Variants in INPP5A observed in about 807,000 individuals in gnomAD.
INPP5A encodes the protein inositol polyphosphate-5-phosphatase A, also known as 43 kDa inositol polyphosphate 5-phophatase.
INPP5A carries 14 observed loss-of-function variants against 65.2 expected under a neutral mutation model. The ratio of observed to expected loss-of-function variants is 0.21; its 90% CI spans 0.14 to 0.34. The LOEUF is 0.34. Ranked by LOEUF, INPP5A falls within the 10% of genes least tolerant of loss-of-function variation. The probability of loss-of-function intolerance (pLI) is 1.00; values close to 1 mark genes in which losing one functional copy is unlikely to be tolerated. For missense variants in INPP5A, 431 were observed against 545.6 expected (o/e 0.79, Z 2.09); for synonymous variants, 207 against 208.3 (o/e 0.99, Z 0.05).
chr10:132,749,734 G>A, intron 10 of INPP5A, 37 bp from the exon 11 acceptor site: 2 of 1,604,544 alleles, frequency 1.2e-6, no homozygotes, highest in South Asian at 1.1e-5. Context: ...CAAGGCTGGG[G>A]GAGCTCAGGT....
chr10:132,775,127 G>GAT (rs373401008), intron 12 of INPP5A, among the ~76,000 whole-genome samples: 1 of 48,006 alleles, frequency 2.1e-5, no homozygotes, highest in Admixed American at 2.4e-4. Flanking sequence ...GCAGGGAGGA[G>GAT]GGGCAGGGAG....
chr10:132,637,820 A>G lies in INPP5A; in HGVS notation c.118-8048A>G, dbSNP rs73401234. Among the ~76,000 whole-genome samples, 452 of 152,190 alleles carry G rather than the reference A, an allele frequency of 3.0e-3. 2 individuals carry two copies. Among genetic ancestry groups the G allele is most frequent in the African/African-American group, 0.01 (428 of 41,520 alleles). ...TTGAGTAGATTTGATTTTATCTGCA[A>G]TGTGGGCTCCCGTCCTGTTCTGCCT... On this transcript the variant is annotated intron_variant, in intron 2 of 15. Transcript: ENST00000368594. This position sits in a 1 kb window ranked among gnomAD's most constrained non-coding sequence, Gnocchi z 4.1.
chr10:132,723,210 C>T (rs555092396), intron 8 of INPP5A, among the ~76,000 whole-genome samples: 1 of 152,346 alleles, frequency 6.6e-6, no homozygotes, highest in African/African-American at 2.4e-5. Context: ...GCGGCTTTCT[C>T]GGGAAGAAGG....
rs549148398 is a variant in INPP5A, at chr10:132,612,659, G to A, written c.117+4703G>A. On this transcript the variant is annotated intron_variant, in intron 2 of 15. Transcript: ENST00000368594. The stretch of plus-strand genomic sequence containing the variant: ...TGGGACAGTGGCGCTGGCTGGAGGG[G>A]CCCTTGCCCCTTGCCTGGCCGTGTG... 2.4e-4 allele frequency among the ~76,000 whole-genome samples: 36 copies of A among 152,318 alleles called. No individual in the cohort carries two copies. The South Asian group carries it at 7.5e-3, about 32-fold the overall frequency.
chr10:132,631,848 T>G (rs534943588), intron 2 of INPP5A, among the ~76,000 whole-genome samples: 2 of 152,256 alleles, frequency 1.3e-5, no homozygotes, highest in African/African-American at 4.8e-5. Context: ...CCCATGTGGT[T>G]TTATTGACTG....
rs550434950 is a variant in INPP5A at position 132,609,523 on chromosome 10, T to C, written c.117+1567T>C. Among the ~76,000 whole-genome samples, 4 of 152,356 alleles carry C rather than the reference T, an allele frequency of 2.6e-5. No homozygotes were observed. In the East Asian group the frequency reaches 5.8e-4, roughly 22 times the overall value. On this transcript the variant is annotated intron_variant, in intron 2 of 15. Coordinates refer to ENST00000368594, the MANE Select transcript of INPP5A (RefSeq NM_005539.5). ...GATCCACAGGTTTTCCCTCACTGAA[T>C]GTTTAGGTGTGTGTGACCGGCAAGG...
rs183248137 is a variant in INPP5A, at chr10:132,738,553, C to T, written c.733-10964C>T. Among the ~76,000 whole-genome samples the T allele has an allele frequency of 1.1e-3, 173 of 152,316 alleles. 1 individual carries two copies. Among genetic ancestry groups the T allele is most frequent in the South Asian group, 8.9e-3 (43 of 4,822 alleles). On this transcript the variant is annotated intron_variant, in intron 9 of 15. Coordinates refer to ENST00000368594, the MANE Select transcript of INPP5A (RefSeq NM_005539.5). ...ACCCCTGGGCCCAGCAGAGGGTGCC[C>T]GGCATGGTGCTAGACACAGCCTGAG...
intron 9 of INPP5A, among the ~76,000 whole-genome samples, chr10:132,743,746 C>T (rs7897370): frequency 0.016 from 2,436 of 152,304 alleles, 70 homozygotes; most frequent in African/African-American, 0.054. Context: ...AGCTTGCTGA[C>T]GGGCAGCCTC....
At chr10:132,769,806 C>A (rs573257458) in intron 12 of INPP5A, among the ~76,000 whole-genome samples, 76 of 150,912 alleles carry the variant, frequency 5.0e-4, no homozygotes, top group East Asian at 1.6e-3. Context: ...TAGCTCCCCC[C>A]CCCCAAGTTC....
intron 9 of INPP5A, among the ~76,000 whole-genome samples, chr10:132,728,030 G>C (rs1193873847): frequency 6.6e-6 from 1 of 152,198 alleles, no homozygotes; most frequent in Admixed American, 6.5e-5. Flanking sequence ...TGGGTCTCTT[G>C]TGGTTGGCAG....
Position 132,603,124 on chromosome 10 carries a change from A to G in INPP5A, c.76-4791A>G, listed in dbSNP as rs2133333220. Among the ~76,000 whole-genome samples the G allele has an allele frequency of 6.6e-6, 1 of 152,266 alleles. No homozygotes were observed. Among genetic ancestry groups the G allele is most frequent in the South Asian group, 2.1e-4 (1 of 4,820 alleles). On this transcript the variant is annotated intron_variant, in intron 1 of 15. Coordinates refer to ENST00000368594, the MANE Select transcript of INPP5A (RefSeq NM_005539.5). The surrounding 1 kb of genome is among the most constrained non-coding windows in gnomAD (Gnocchi z 4.2). ...TCCCTCAACAGTGTGAAATGCCTCA[A>G]TCTCTCCTGCTGACGTCTCTGCCTT...
At chr10:132,563,067 C>T (rs558351540) in intron 1 of INPP5A, among the ~76,000 whole-genome samples, 2 of 152,342 alleles carry the variant, frequency 1.3e-5, no homozygotes, top group Admixed American at 6.5e-5. Flanking sequence ...GCCATGCCCC[C>T]GCCCAGGCAG....
chr10:132,713,036 G>C (rs1285196723), intron 8 of INPP5A, among the ~76,000 whole-genome samples: 2 of 151,380 alleles, frequency 1.3e-5, no homozygotes, highest in African/African-American at 4.9e-5. Flanking sequence ...GTATGTGTGC[G>C]TGTGTGTGGG....
At chr10:132,594,033 A>G (rs1312104519) in intron 1 of INPP5A, among the ~76,000 whole-genome samples, 1 of 152,184 alleles carries the variant, frequency 6.6e-6, no homozygotes, top group Non-Finnish European at 1.5e-5. Context: ...CTATGTGTGA[A>G]GTTTTTAACG....
chr10:132,598,523 T>G (rs1422542339), intron 1 of INPP5A, among the ~76,000 whole-genome samples: 1 of 152,252 alleles, frequency 6.6e-6, no homozygotes, highest in African/African-American at 2.4e-5. Context: ...TGGCTTATTT[T>G]CCTTAGCATA....
At chr10:132,679,940 C>T (rs1290340551) in intron 4 of INPP5A, among the ~76,000 whole-genome samples, 1 of 152,202 alleles carries the variant, frequency 6.6e-6, no homozygotes, top group Non-Finnish European at 1.5e-5. Context: ...TGGCCCCTCA[C>T]ATTACATTGT....
At chr10:132,594,490 C>T (rs1237821985) in intron 1 of INPP5A, among the ~76,000 whole-genome samples, 1 of 152,040 alleles carries the variant, frequency 6.6e-6, no homozygotes, top group Non-Finnish European at 1.5e-5. Flanking sequence ...CACGCATAGG[C>T]ATGTGGTGAG....
chr10:132,759,784 C>T (rs549871624), intron 11 of INPP5A, among the ~76,000 whole-genome samples: 5 of 152,272 alleles, frequency 3.3e-5, no homozygotes, highest in East Asian at 3.9e-4. Flanking sequence ...CCCATGCCCA[C>T]GCCAGCCCAT....
chr10:132,646,063 C>A, intron 3 of INPP5A, 95 bp downstream of exon 3: 1 of 777,046 alleles, frequency 1.3e-6, no homozygotes. Context: ...ACCAGCCTCA[C>A]CATTCGGGAC....
Sources: gnomAD v4.1 joint callset for allele counts (sites outside exome capture counted in the v4.1 genomes callset) on GRCh38, gnomAD v4.1.1 for gene constraint, Gnocchi (gnomAD v3.1) non-coding constraint, MANE v1.5 for transcripts, NCBI Gene and HGNC (gene_info 2026-07-23, HGNC 2026-07-21) for gene names.